Variants in MMP24 observed in about 807,000 individuals in gnomAD.
The protein encoded by MMP24 is matrix metalloproteinase-24.
A neutral mutation model predicts 62.8 loss-of-function variants in MMP24; 25 were observed. The ratio of observed to expected loss-of-function variants is 0.40; its 90% CI spans 0.29 to 0.56. The LOEUF (loss-of-function observed/expected upper bound fraction) is 0.56. Among genes scored for constraint, MMP24 ranks in the 20% least tolerant of loss-of-function variants. MMP24 has a pLI of 0.50. For synonymous variants in MMP24, 319 were observed against 350.5 expected (o/e 0.91, Z 1.00); for missense variants, 634 against 853.6 (o/e 0.74, Z 3.21).
At chr20:35,267,769 AGT>A in intron 6 of MMP24, 1 of 331,488 alleles carries the variant, frequency 3.0e-6, no homozygotes. Context: ...GTGAAGATCC[AGT>A]GAGTACCCGG....
At chr20:35,273,191 G>A (rs1238212703) in intron 8 of MMP24, among the ~76,000 whole-genome samples, 3 of 149,202 alleles carry the variant, frequency 2.0e-5, no homozygotes, top group Non-Finnish European at 3.0e-5. Context: ...CCAGGAGTTC[G>A]AGACCAGCCT....
chr20:35,250,431 G>A lies in MMP24; in HGVS notation c.396-1474G>A, dbSNP rs528676990. 3.3e-5 allele frequency among the ~76,000 whole-genome samples: 5 copies of A among 152,038 alleles called. No homozygotes were observed. The East Asian group carries it at 7.7e-4, about 24-fold the overall frequency. On this transcript the variant is annotated intron_variant, in intron 2 of 8. Transcript: ENST00000246186. ...AAAAATTAGCCAAGCGTGGTGGTGC[G>A]CGCCTGTAATCCCAGCTACTACTCA...
chr20:35,269,262 T>G lies in MMP24; in HGVS notation c.1195-498T>G. ...CCTGCACTTGCAGGTGAGGCCTAGG[T>G]CATGCAGCTATAAATGGAGGAATGT... On this transcript the variant is annotated intron_variant, in intron 6 of 8. Transcript: ENST00000246186. The surrounding 1 kb of genome is among the most constrained non-coding windows in gnomAD (Gnocchi z 4.6). Among the ~76,000 whole-genome samples, 1 of 152,164 alleles carries G rather than the reference T, an allele frequency of 6.6e-6. No individual in the cohort carries two copies. The highest frequency in any genetic ancestry group is 1.5e-5 in the Non-Finnish European group (1 of 68,024).
At chr20:35,251,530 C>T (rs2060547132) in intron 2 of MMP24, among the ~76,000 whole-genome samples, 2 of 152,130 alleles carry the variant, frequency 1.3e-5, no homozygotes, top group African/African-American at 4.8e-5. Flanking sequence ...ACATGTACTT[C>T]CTCCTTGAAG....
chr20:35,227,915 G>A (rs533583245), intron 1 of MMP24, among the ~76,000 whole-genome samples: 1 of 152,268 alleles, frequency 6.6e-6, no homozygotes, highest in Non-Finnish European at 1.5e-5. Flanking sequence ...GCTGACTCTA[G>A]TCTCCCCTTA....
rs1037858239 is a variant in MMP24, at chr20:35,258,947, A to T, written c.817+4193A>T. 7.9e-5 allele frequency among the ~76,000 whole-genome samples: 12 copies of T among 152,176 alleles called. No homozygotes were observed. In the South Asian group the frequency reaches 8.3e-4, roughly 11 times the overall value. On this transcript the variant is annotated intron_variant, in intron 4 of 8. Coordinates refer to ENST00000246186, the MANE Select transcript of MMP24 (RefSeq NM_006690.4). Reference sequence around the variant, plus strand: ...GTAATCCCAGCACTTTGGGAGGCCGAGGGGGGGCAGATCACCTGAGGTCAG... The same window carrying T: ...GTAATCCCAGCACTTTGGGAGGCCGTGGGGGGGCAGATCACCTGAGGTCAG...
chr20:35,230,153 T>G (rs1243794518), intron 1 of MMP24, among the ~76,000 whole-genome samples: 1 of 151,692 alleles, frequency 6.6e-6, no homozygotes, highest in Non-Finnish European at 1.5e-5. Context: ...CCACGCCCGG[T>G]TAATTTTTGT....
intron 1 of MMP24, among the ~76,000 whole-genome samples, chr20:35,231,648 A>G (rs1381220975): frequency 6.6e-6 from 1 of 152,192 alleles, no homozygotes; most frequent in Non-Finnish European, 1.5e-5. Context: ...GAACAATACC[A>G]TGAGGTAGAT....
At chr20:35,265,743 A>G (rs868800158) in intron 5 of MMP24, among the ~76,000 whole-genome samples, 22 of 151,816 alleles carry the variant, frequency 1.4e-4, no homozygotes, top group African/African-American at 3.6e-4. Flanking sequence ...TAAAATTATC[A>G]TTTCAGTTAT....
At chr20:35,267,929 T>C (rs1307801665) in intron 6 of MMP24, 1 of 155,162 alleles carries the variant, frequency 6.4e-6, no homozygotes, top group Non-Finnish European at 1.4e-5. Flanking sequence ...ACTGACAGGG[T>C]GGCAGTCTGC....
intron 5 of MMP24, among the ~76,000 whole-genome samples, chr20:35,264,738 A>AAG (rs2060623508): frequency 7.1e-6 from 1 of 139,954 alleles, no homozygotes; most frequent in Admixed American, 7.1e-5. Context: ...AAAAAAAAAA[A>AAG]GAAAGAAAAG....
chr20:35,253,878 T>TTTGTTTTTTTTTGTTTTTTTTTG (rs1568615348), intron 3 of MMP24, among the ~76,000 whole-genome samples: 9 of 150,964 alleles, frequency 6.0e-5, no homozygotes, highest in African/African-American at 2.2e-4. Context: ...GTTTTTTTTT[T>TTTGTTTTTTTTTGTTTTTTTTTG]TTTTTTTTGA....
At chr20:35,231,780 G>C (rs1227609457) in intron 1 of MMP24, among the ~76,000 whole-genome samples, 1 of 152,180 alleles carries the variant, frequency 6.6e-6, no homozygotes, top group African/African-American at 2.4e-5. Context: ...GGCCAGGCAT[G>C]GTGGCTCACA....
intron 2 of MMP24, among the ~76,000 whole-genome samples, chr20:35,247,861 G>A (rs992149189): frequency 1.4e-4 from 21 of 152,194 alleles, no homozygotes; most frequent in Admixed American, 5.2e-4. Flanking sequence ...GGGGAGAAGC[G>A]GAGGTGAGGA....
chr20:35,274,635 T>C lies in MMP24; in HGVS notation c.*26T>C. 6.4e-7 allele frequency: 1 copy of C among 1,552,648 alleles called. No individual in the cohort carries two copies. Among genetic ancestry groups the C allele is most frequent in the East Asian group, 2.4e-5 (1 of 42,442 alleles). On this transcript the variant is annotated 3_prime_UTR_variant, in exon 9 of 9. Coordinates refer to ENST00000246186, the MANE Select transcript of MMP24 (RefSeq NM_006690.4). This position sits in a 1 kb window ranked among gnomAD's most constrained non-coding sequence, Gnocchi z 5.1. ...GCAGCCCAGAGCCCTCTCTATCCAC[T>C]TGGTCTGGCCAGCCAGGCCCTTCCT...
rs1392921158 is a variant in MMP24 at position 35,275,371 on chromosome 20, A to ATGAGGCCAGC, written c.*763_*772dup. 4 of 152,188 alleles carry ATGAGGCCAGC rather than the reference A, an allele frequency of 2.6e-5. No homozygotes were observed. The highest frequency in any genetic ancestry group is 9.7e-5 in the African/African-American group (4 of 41,420). 9.4% of individuals were successfully genotyped at this position (152,188 alleles called of 1,614,324 possible). The stretch of plus-strand genomic sequence containing the variant: ...TGAACTAGAGGTGACTGTCTTGGTG[A>ATGAGGCCAGC]TGAGGCCAGCATAGCGGCCCTCCCC... On this transcript the variant is annotated 3_prime_UTR_variant, in exon 9 of 9. Transcript: ENST00000246186.
intron 4 of MMP24, among the ~76,000 whole-genome samples, chr20:35,260,151 TC>T (rs1173062113): frequency 6.6e-6 from 1 of 152,074 alleles, no homozygotes; most frequent in Non-Finnish European, 1.5e-5. Flanking sequence ...AGGCCTCTCC[TC>T]CTCATACCTC....
rs2060706863 is a variant in MMP24, at chr20:35,276,436, C to T, written c.*1827C>T. The stretch of plus-strand genomic sequence containing the variant: ...TTAGGCCCTGGGAGGCCGACGGTAA[C>T]TCTCACCGTGCCCTCAGATGAAGCA... On this transcript the variant is annotated 3_prime_UTR_variant, in exon 9 of 9. Coordinates refer to ENST00000246186, the MANE Select transcript of MMP24 (RefSeq NM_006690.4). 7.5e-6 allele frequency: 3 copies of T among 397,712 alleles called. No homozygotes were observed. Among genetic ancestry groups the T allele is most frequent in the Admixed American group, 4.4e-5 (1 of 22,706 alleles). 24.6% of individuals were successfully genotyped at this position (397,712 alleles called of 1,614,324 possible).
chr20:35,274,159 G>T lies in MMP24; in HGVS notation c.1601-113G>T. The T allele has an allele frequency of 9.4e-7, 1 of 1,064,978 alleles. No homozygotes were observed. Among genetic ancestry groups the T allele is most frequent in the Non-Finnish European group, 1.4e-6 (1 of 734,398 alleles). 66.0% of individuals were successfully genotyped at this position (1,064,978 alleles called of 1,614,324 possible). A position where few individuals can be genotyped will look rare whatever the true frequency, so the allele number is the denominator to read the frequency against. On this transcript the variant is annotated intron_variant, in intron 8 of 8. Transcript: ENST00000246186. This position sits in a 1 kb window ranked among gnomAD's most constrained non-coding sequence, Gnocchi z 5.1. ...CCAAGCACTGCACCCCAAACCTCCAGGTGTGCCCACCTTGCCTCCCTTGCC... is the reference window on the plus strand; with the variant it reads ...CCAAGCACTGCACCCCAAACCTCCATGTGTGCCCACCTTGCCTCCCTTGCC...
Sources: allele counts gnomAD v4.1 joint callset (sites outside exome capture counted in the v4.1 genomes callset), GRCh38; gene constraint gnomAD v4.1.1; non-coding constraint Gnocchi (gnomAD v3.1); transcripts MANE v1.5; gene names NCBI Gene and HGNC (gene_info 2026-07-23, HGNC 2026-07-21).